The following OPHN1 variants were observed in gnomAD, a reference collection of about 807,000 sequenced individuals.
OPHN1 encodes the protein oligophrenin-1.
A neutral mutation model predicts 60.7 loss-of-function variants in OPHN1; 11 were observed. The observed-to-expected ratio is 0.18, with a 90% confidence interval of 0.11 to 0.30. The LOEUF is 0.30. Among genes scored for constraint, OPHN1 ranks in the 10% least tolerant of loss-of-function variants. The pLI is 1.00. For synonymous variants in OPHN1, 226 were observed against 222.6 expected, an observed-to-expected ratio of 1.02 and a Z score of -0.14; for missense variants, 449 against 611.0, an observed-to-expected ratio of 0.73 and a Z score of 2.80.
At chrX:68,332,044 TAAATA>T (rs1213011401) in intron 2 of OPHN1, among the ~76,000 whole-genome samples, 1 of 109,835 alleles carries the variant, frequency 9.1e-6, no homozygotes, top group Admixed American at 9.9e-5. Context: ...CATAAATAAA[TAAATA>T]AATAAATAAA....
intron 5 of OPHN1, among the ~76,000 whole-genome samples, chrX:68,238,153 A>AT (rs1455264913): frequency 9.0e-6 from 1 of 111,697 alleles, no homozygotes; most frequent in Admixed American, 9.6e-5. Context: ...ATTGTTTGTG[A>AT]TGTTACGTAG....
At chrX:68,377,314 T>C (rs1418139432) in intron 2 of OPHN1, among the ~76,000 whole-genome samples, 2 of 109,495 alleles carry the variant, frequency 1.8e-5, no homozygotes, top group Non-Finnish European at 3.8e-5. Context: ...GCCAGGATGG[T>C]CTTGATCTCC....
At chrX:68,055,245 T>G (rs1334261121) in intron 21 of OPHN1, among the ~76,000 whole-genome samples, 1 of 112,151 alleles carries the variant, frequency 8.9e-6, no homozygotes, top group Non-Finnish European at 1.9e-5. Flanking sequence ...GCTTCCAGGT[T>G]GTAGGACCCT....
intron 7 of OPHN1, among the ~76,000 whole-genome samples, chrX:68,212,804 C>G (rs2077590696): frequency 8.9e-6 from 1 of 112,236 alleles, no homozygotes; most frequent in Admixed American, 9.4e-5. Flanking sequence ...ATCATTTGAA[C>G]AGTATGTAAA....
rs777878330 is a variant in OPHN1 at position 68,201,760 on chromosome X, G to T, written c.934-50C>A. On this transcript the variant is annotated intron_variant, in intron 10 of 24. Coordinates refer to ENST00000355520, the MANE Select transcript of OPHN1 (RefSeq NM_002547.3). ...GCAATTTTTAAAAAAAGACACAGAA[G>T]CTGTTTCTGCTTCCTACAGTGTCTT... The T allele has an allele frequency of 2.9e-5, 30 of 1,020,504 alleles. No individual in the cohort carries two copies. In the South Asian group the frequency reaches 5.3e-4, roughly 18 times the overall value. The allele number at this position is 1,020,504 out of a possible 1,213,427, so 84.1% of individuals were successfully genotyped here.
At chrX:68,226,979 G>A (rs2077697363) in intron 6 of OPHN1, among the ~76,000 whole-genome samples, 1 of 110,853 alleles carries the variant, frequency 9.0e-6, no homozygotes, top group African/African-American at 3.3e-5. Context: ...CTGTATTCAG[G>A]AGACCCATCA....
intron 15 of OPHN1, among the ~76,000 whole-genome samples, chrX:68,180,317 G>A (rs1330984205): frequency 9.0e-6 from 1 of 111,633 alleles, no homozygotes; most frequent in Non-Finnish European, 1.9e-5. Flanking sequence ...TTTTCACTAC[G>A]CTTTCTGAAC....
intron 19 of OPHN1, among the ~76,000 whole-genome samples, chrX:68,078,208 G>C (rs992036252): frequency 9.0e-6 from 1 of 111,162 alleles, no homozygotes; most frequent in African/African-American, 3.3e-5. Context: ...TGGAAGGGGG[G>C]TTGGCATCTA....
intron 19 of OPHN1, among the ~76,000 whole-genome samples, chrX:68,091,225 A>C (rs1157534500): frequency 1.8e-5 from 2 of 111,410 alleles, no homozygotes; most frequent in African/African-American, 6.5e-5. Flanking sequence ...AAAAGGACTA[A>C]ACGAGCTGGA....
chrX:68,412,976 T>G (rs138082787), intron 2 of OPHN1, among the ~76,000 whole-genome samples: 1 of 111,524 alleles, frequency 9.0e-6, no homozygotes, highest in African/African-American at 3.3e-5. Context: ...GGTGAGAAAT[T>G]TGAATTCCTG....
intron 3 of OPHN1, among the ~76,000 whole-genome samples, chrX:68,292,512 G>T (rs964842202): frequency 3.6e-5 from 4 of 111,355 alleles, no homozygotes; most frequent in African/African-American, 1.3e-4. Context: ...TTTTGAAAAT[G>T]ATCAGTAATA....
At chrX:68,235,616 T>C (rs1362308806) in intron 5 of OPHN1, among the ~76,000 whole-genome samples, 1 of 106,852 alleles carries the variant, frequency 9.4e-6, no homozygotes, top group Non-Finnish European at 1.9e-5. Flanking sequence ...GGCGGGCGGA[T>C]CACCTGAGGT....
chrX:68,254,087 T>C (rs897799528), intron 5 of OPHN1, among the ~76,000 whole-genome samples: 1 of 111,873 alleles, frequency 8.9e-6, no homozygotes, highest in Non-Finnish European at 1.9e-5. Context: ...AGCTTCTTTC[T>C]TAAGCCTCTC....
intron 15 of OPHN1, among the ~76,000 whole-genome samples, chrX:68,125,185 A>G (rs2147450941): frequency 9.0e-6 from 1 of 111,730 alleles, no homozygotes; most frequent in Admixed American, 9.5e-5. Flanking sequence ...CGTATGGGAT[A>G]CAGTAAAAGC....
chrX:68,423,018 C>CTT (rs1228117590), intron 2 of OPHN1, among the ~76,000 whole-genome samples: 3,919 of 25,171 alleles, frequency 0.16, 93 homozygotes, highest in Non-Finnish European at 0.49. Flanking sequence ...ATGTAGCTTT[C>CTT]TTTTTTTTTT....
At chrX:68,430,259 G>A (rs774811970) in intron 2 of OPHN1, among the ~76,000 whole-genome samples, 63 of 111,825 alleles carry the variant, frequency 5.6e-4, no homozygotes, top group Non-Finnish European at 1.1e-3. Flanking sequence ...CATCACTGTG[G>A]TCAAGACAGT....
intron 2 of OPHN1, among the ~76,000 whole-genome samples, chrX:68,299,679 A>G (rs1222841045): frequency 8.9e-6 from 1 of 112,060 alleles, no homozygotes; most frequent in Non-Finnish European, 1.9e-5. Context: ...AGTATTTATC[A>G]AGAGACCTGA....
At chrX:68,070,127 C>T (rs1174499398) in intron 20 of OPHN1, among the ~76,000 whole-genome samples, 4 of 111,492 alleles carry the variant, frequency 3.6e-5, no homozygotes, top group Non-Finnish European at 7.5e-5. Flanking sequence ...TCATCAATTT[C>T]GTCTCCCTAC....
At chrX:68,367,699 A>T (rs150966101) in intron 2 of OPHN1, among the ~76,000 whole-genome samples, 9 of 111,377 alleles carry the variant, frequency 8.1e-5, no homozygotes, top group African/African-American at 2.6e-4. Context: ...AATTGTAATA[A>T]TCCCCACCTG....
Sources: gnomAD v4.1 joint callset for allele counts (sites outside exome capture counted in the v4.1 genomes callset) on GRCh38, gnomAD v4.1.1 for gene constraint, MANE v1.5 for transcripts, NCBI Gene and HGNC (gene_info 2026-07-23, HGNC 2026-07-21) for gene names.